CDH18: variants seen among roughly 807,000 people sequenced by gnomAD.
CDH18 encodes cadherin-18.
Under a neutral mutation model 67.9 loss-of-function variants are expected in CDH18, and 31 were observed. The ratio of observed to expected loss-of-function variants is 0.46; its 90% CI spans 0.34 to 0.62. CDH18 has a LOEUF of 0.62. CDH18 is among the 20% of genes least tolerant of loss of function. The pLI, the probability that CDH18 is intolerant of heterozygous loss-of-function variation, is 0.01. For synonymous variants in CDH18, 362 were observed against 347.2 expected, an observed-to-expected ratio of 1.04 and a Z score of -0.48; for missense variants, 890 against 975.5, an observed-to-expected ratio of 0.91 and a Z score of 1.17.
intron 1 of CDH18, among the ~76,000 whole-genome samples, chr5:20,268,860 C>G (rs537050146): frequency 2.6e-5 from 4 of 152,256 alleles, no homozygotes; most frequent in Admixed American, 2.6e-4. Context: ...AGCAACAACA[C>G]GAAGTAGACA....
intron 2 of CDH18, among the ~76,000 whole-genome samples, chr5:19,950,073 T>C (rs190433579): frequency 2.6e-4 from 40 of 151,470 alleles, no homozygotes; most frequent in African/African-American, 9.7e-4. Context: ...TATATGTATA[T>C]ATCCAATGTG....
intron 2 of CDH18, among the ~76,000 whole-genome samples, chr5:20,054,245 A>C (rs552090685): frequency 6.6e-6 from 1 of 152,180 alleles, no homozygotes; most frequent in Non-Finnish European, 1.5e-5. Flanking sequence ...GGGTGCCACT[A>C]GATAGTGCTT....
intron 2 of CDH18, among the ~76,000 whole-genome samples, chr5:19,994,778 G>T (rs1196168161): frequency 1.2e-5 from 1 of 83,698 alleles, no homozygotes; most frequent in African/African-American, 5.4e-5. Context: ...GAGAGAGAGA[G>T]AGAGAGAGAG....
intron 2 of CDH18, among the ~76,000 whole-genome samples, chr5:19,974,672 G>A (rs1196916123): frequency 1.3e-5 from 2 of 152,082 alleles, no homozygotes; most frequent in Admixed American, 6.6e-5. Context: ...TGCAGATATA[G>A]CAGGCATTGT....
chr5:20,234,914 GA>G (rs534065526), intron 2 of CDH18, among the ~76,000 whole-genome samples: 5 of 152,088 alleles, frequency 3.3e-5, no homozygotes, highest in Non-Finnish European at 7.4e-5. Flanking sequence ...GAAACATGAA[GA>G]AAACTGCAAT....
intron 2 of CDH18, among the ~76,000 whole-genome samples, chr5:19,958,690 T>C (rs1398704786): frequency 6.6e-6 from 1 of 152,124 alleles, no homozygotes; most frequent in African/African-American, 2.4e-5. Context: ...CCCAGGTAAC[T>C]GACACTCATC....
rs538600554 is a variant in CDH18 at position 19,516,045 on chromosome 5, G to GT, written c.1512+4611dup. On this transcript the variant is annotated intron_variant, in intron 10 of 12. Transcript: ENST00000382275. ...TCCATCAATACCTAGTTTATTGAGAGTTTTTTAGCATGAAGGGCTGTTGAA... is the reference window on the plus strand; with the variant it reads ...TCCATCAATACCTAGTTTATTGAGAGTTTTTTTAGCATGAAGGGCTGTTGAA... Among the ~76,000 whole-genome samples, 1,140 of 151,890 alleles carry GT rather than the reference G, an allele frequency of 7.5e-3. 14 individuals carry two copies. The highest frequency in any genetic ancestry group is 0.024 in the African/African-American group (985 of 41,300).
intron 1 of CDH18, among the ~76,000 whole-genome samples, chr5:20,568,556 T>C (rs2126666131): frequency 6.6e-6 from 1 of 152,206 alleles, no homozygotes; most frequent in East Asian, 1.9e-4. Context: ...AAAAAGAATA[T>C]TAAAAGCAAA....
chr5:20,555,746 C>CTT (rs567092272), intron 1 of CDH18, among the ~76,000 whole-genome samples: 2 of 144,708 alleles, frequency 1.4e-5, no homozygotes, highest in South Asian at 2.2e-4. Context: ...ATCACCCCTG[C>CTT]TTTTTTTTTT....
At chr5:20,003,067 T>G (rs112176230) in intron 2 of CDH18, among the ~76,000 whole-genome samples, 15 of 152,260 alleles carry the variant, frequency 9.9e-5, no homozygotes, top group African/African-American at 3.4e-4. Context: ...TTTTAGAACA[T>G]TATCAGTGTT....
intron 1 of CDH18, among the ~76,000 whole-genome samples, chr5:20,487,575 T>A (rs1225030000): frequency 6.6e-6 from 1 of 151,202 alleles, no homozygotes; most frequent in African/African-American, 2.4e-5. Context: ...ATATCAAATT[T>A]CCACATTTGG....
At chr5:20,047,296 C>T (rs951692146) in intron 2 of CDH18, among the ~76,000 whole-genome samples, 64 of 151,746 alleles carry the variant, frequency 4.2e-4, no homozygotes, top group African/African-American at 1.4e-3. Flanking sequence ...ATCAATAAAT[C>T]CTTAAGGGAA....
intron 1 of CDH18, among the ~76,000 whole-genome samples, chr5:20,405,894 C>A (rs1315219791): frequency 6.6e-6 from 1 of 152,138 alleles, no homozygotes; most frequent in Non-Finnish European, 1.5e-5. Flanking sequence ...TACCATCTCA[C>A]ACCAGTTAGA....
intron 3 of CDH18, among the ~76,000 whole-genome samples, chr5:19,837,300 C>T (rs1194178897): frequency 6.6e-6 from 1 of 151,942 alleles, no homozygotes; most frequent in Admixed American, 6.6e-5. Context: ...GGAGAAATAT[C>T]TAATGTAGAT....
chr5:20,149,123 C>A (rs778830770), intron 2 of CDH18, among the ~76,000 whole-genome samples: 1 of 152,130 alleles, frequency 6.6e-6, no homozygotes, highest in Non-Finnish European at 1.5e-5. Context: ...TCTCTTGCTT[C>A]AACTATATTC....
chr5:20,572,180 A>T (rs949282995), intron 1 of CDH18, among the ~76,000 whole-genome samples: 3 of 151,972 alleles, frequency 2.0e-5, no homozygotes, highest in Admixed American at 6.6e-5. Context: ...TGGATAGTAA[A>T]ACATTCTTTT....
At chr5:20,168,817 G>A (rs1266860572) in intron 2 of CDH18, among the ~76,000 whole-genome samples, 1 of 152,178 alleles carries the variant, frequency 6.6e-6, no homozygotes, top group Non-Finnish European at 1.5e-5. Flanking sequence ...CCATATAAAA[G>A]AATGGCATCT....
At chr5:19,479,750 G>A (rs1739087259) in intron 12 of CDH18, among the ~76,000 whole-genome samples, 1 of 152,060 alleles carries the variant, frequency 6.6e-6, no homozygotes. Flanking sequence ...GTGAGGTATG[G>A]ACTGAAAGGG....
chr5:19,609,957 T>C (rs1403842454), intron 6 of CDH18, among the ~76,000 whole-genome samples: 5 of 152,240 alleles, frequency 3.3e-5, no homozygotes, highest in South Asian at 2.1e-4. Flanking sequence ...ACTAGGTACA[T>C]AGCTGTTTAA....
Sources: allele counts gnomAD v4.1 joint callset (sites outside exome capture counted in the v4.1 genomes callset), GRCh38; gene constraint gnomAD v4.1.1; transcripts MANE v1.5; gene names NCBI Gene and HGNC (gene_info 2026-07-23, HGNC 2026-07-21).